Variants in RSF1 observed in about 807,000 individuals in gnomAD.
The protein encoded by RSF1 is HBV pX-associated protein 8.
In RSF1, 13 loss-of-function variants were observed where a neutral mutation model predicts 145.2. That is an observed-to-expected ratio of 0.09 (90% CI 0.06 to 0.14). RSF1 has a LOEUF of 0.14. RSF1 is among the 10% of genes least tolerant of loss of function. The probability of loss-of-function intolerance (pLI) is 1.00; values close to 1 mark genes in which losing one functional copy is unlikely to be tolerated. For synonymous variants in RSF1, 577 were observed against 592.6 expected (o/e 0.97, Z 0.38); for missense variants, 1,517 against 1,718.2 (o/e 0.88, Z 2.07).
At chr11:77,786,383 G>A (rs1948457048) in intron 1 of RSF1, among the ~76,000 whole-genome samples, 1 of 152,228 alleles carries the variant, frequency 6.6e-6, no homozygotes, top group Admixed American at 6.5e-5. Context: ...GTAAATAAAT[G>A]TATTATTTAT....
intron 2 of RSF1, among the ~76,000 whole-genome samples, chr11:77,752,919 T>A (rs1172480774): frequency 2.0e-5 from 3 of 152,140 alleles, no homozygotes; most frequent in African/African-American, 7.2e-5. Context: ...GCCACAAGAA[T>A]GACCTATGGT....
the RSF1 span, chr11:77,869,933 C>T: frequency 2.1e-6 from 2 of 968,578 alleles, no homozygotes; most frequent in Non-Finnish European, 3.2e-6. Context: ...CCTCATTTTG[C>T]TGACCCAGGA....
At position 77,740,954 on chromosome 11, in the gene RSF1, C is replaced by T; in HGVS notation, c.373-18G>A. On this transcript the variant is annotated intron_variant, in intron 3 of 15. Coordinates refer to ENST00000308488, the MANE Select transcript of RSF1 (RefSeq NM_016578.4). ...CAGAGGTACTGAAAAATAGTCATAA[C>T]ATGACTTAAAATACCTCACAAATAT... is the stretch of plus-strand genomic sequence containing the variant. 3.2e-6 allele frequency: 5 copies of T among 1,554,536 alleles called. No individual in the cohort carries two copies. Among genetic ancestry groups the T allele is most frequent in the Non-Finnish European group, 4.4e-6 (5 of 1,127,538 alleles).
chr11:77,761,387 T>C (rs1948170353), intron 2 of RSF1, among the ~76,000 whole-genome samples: 1 of 152,210 alleles, frequency 6.6e-6, no homozygotes, highest in Admixed American at 6.5e-5. Context: ...GTATTTCTTT[T>C]TTTTTTTAAA....
At chr11:77,698,313 C>A (rs558911039) in intron 7 of RSF1, among the ~76,000 whole-genome samples, 174 bp downstream of exon 7, 2 of 152,158 alleles carry the variant, frequency 1.3e-5, no homozygotes, top group African/African-American at 4.8e-5. Context: ...GGATCTTGAT[C>A]ACTGGCCTTC....
At chr11:77,793,222 G>A (rs1443864469) in intron 1 of RSF1, among the ~76,000 whole-genome samples, 1 of 152,304 alleles carries the variant, frequency 6.6e-6, no homozygotes, top group African/African-American at 2.4e-5. Context: ...GCTCACGCCT[G>A]TAATCCCAGC....
intron 9 of RSF1, 115 bp downstream of exon 9, chr11:77,691,044 G>T: frequency 1.1e-6 from 1 of 896,524 alleles, no homozygotes; most frequent in Non-Finnish European, 1.7e-6. Context: ...GGCTGGATTT[G>T]GCCCACAGGC....
intron 9 of RSF1, among the ~76,000 whole-genome samples, chr11:77,690,561 A>G (rs1306614755): frequency 6.6e-6 from 1 of 152,150 alleles, no homozygotes; most frequent in Non-Finnish European, 1.5e-5. Flanking sequence ...GCCTCCGAGT[A>G]GTTGGGACTA....
At chr11:77,785,336 T>C (rs1390768743) in intron 1 of RSF1, among the ~76,000 whole-genome samples, 1 of 152,206 alleles carries the variant, frequency 6.6e-6, no homozygotes, top group Non-Finnish European at 1.5e-5. Flanking sequence ...ATGCCTGTAA[T>C]CCCAACACTT....
At chr11:77,771,708 C>A (rs1565175564) in intron 1 of RSF1, among the ~76,000 whole-genome samples, 1 of 152,074 alleles carries the variant, frequency 6.6e-6, no homozygotes, top group Non-Finnish European at 1.5e-5. Flanking sequence ...GAGTGACGGG[C>A]ACATGAAAGT....
intron 4 of RSF1, among the ~76,000 whole-genome samples, chr11:77,728,180 G>A (rs546957412): frequency 1.6e-4 from 24 of 152,118 alleles, no homozygotes; most frequent in Admixed American, 1.0e-3. Context: ...TTAGGATATC[G>A]GGTGACTGAC....
intron 1 of RSF1, chr11:77,813,303 T>C (rs1037069428): frequency 6.5e-6 from 5 of 763,836 alleles, no homozygotes; most frequent in South Asian, 2.9e-5. Context: ...GTAATCAATT[T>C]ATTAAAATAG....
At chr11:77,805,413 C>G (rs775770735) in intron 1 of RSF1, among the ~76,000 whole-genome samples, 9 of 151,576 alleles carry the variant, frequency 5.9e-5, no homozygotes, top group Non-Finnish European at 1.3e-4. Flanking sequence ...TACACTCCAG[C>G]CTGGGGGAGA....
At chr11:77,692,121 C>A (rs961128510) in intron 8 of RSF1, among the ~76,000 whole-genome samples, 3 of 151,874 alleles carry the variant, frequency 2.0e-5, no homozygotes, top group African/African-American at 4.8e-5. Context: ...GAATTCCTGG[C>A]CTCAAGTGAT....
chr11:77,847,128 A>C, the RSF1 span, among the ~76,000 whole-genome samples: 1 of 152,150 alleles, frequency 6.6e-6, no homozygotes, highest in East Asian at 1.9e-4. Context: ...TCATTTGCCC[A>C]CGGGTGGAAT....
At chr11:77,835,096 T>C in the RSF1 span, among the ~76,000 whole-genome samples, 1 of 152,242 alleles carries the variant, frequency 6.6e-6, no homozygotes, top group Non-Finnish European at 1.5e-5. Flanking sequence ...GCTGGGCACA[T>C]TGCCTCTTAG....
At chr11:77,674,055 A>C (rs1323850445) in intron 14 of RSF1, among the ~76,000 whole-genome samples, 2 of 152,212 alleles carry the variant, frequency 1.3e-5, no homozygotes, top group African/African-American at 4.8e-5. Flanking sequence ...TTAATTAGGT[A>C]ATAGCATTAT....
chr11:77,755,765 A>G (rs1948109547), intron 2 of RSF1, among the ~76,000 whole-genome samples: 1 of 151,970 alleles, frequency 6.6e-6, no homozygotes, highest in Admixed American at 6.6e-5. Flanking sequence ...TTTTTAGTAG[A>G]GATGGGGTTT....
chr11:77,799,325 T>C (rs951517988), intron 1 of RSF1, among the ~76,000 whole-genome samples: 2 of 151,886 alleles, frequency 1.3e-5, no homozygotes, highest in African/African-American at 4.8e-5. Context: ...GCTTGCAACA[T>C]GGCAAAACTC....
Sources: gnomAD v4.1 joint callset for allele counts (sites outside exome capture counted in the v4.1 genomes callset) on GRCh38, gnomAD v4.1.1 for gene constraint, MANE v1.5 for transcripts, NCBI Gene and HGNC (gene_info 2026-07-23, HGNC 2026-07-21) for gene names.